Variants in TBC1D15 observed in about 807,000 individuals in gnomAD.
TBC1D15 encodes the protein TBC1 domain family member 15.
Under a neutral mutation model 95.4 loss-of-function variants are expected in TBC1D15, and 39 were observed. That is an observed-to-expected ratio of 0.41 (90% CI 0.32 to 0.53). The LOEUF (loss-of-function observed/expected upper bound fraction) is 0.53. TBC1D15 is among the 20% of genes least tolerant of loss of function. The pLI is 0.29. For missense variants in TBC1D15, 733 were observed against 794.3 expected, an observed-to-expected ratio of 0.92 and a Z score of 0.93; for synonymous variants, 258 against 261.3, an observed-to-expected ratio of 0.99 and a Z score of 0.12.
At chr12:71,853,505 T>C (rs925974923) in intron 1 of TBC1D15, among the ~76,000 whole-genome samples, 12 of 152,196 alleles carry the variant, frequency 7.9e-5, no homozygotes, top group Non-Finnish European at 1.5e-4. Flanking sequence ...AGACTTAAAA[T>C]AATACTTTAA....
At chr12:71,846,419 A>G (rs945934395) in intron 1 of TBC1D15, among the ~76,000 whole-genome samples, 2 of 152,228 alleles carry the variant, frequency 1.3e-5, no homozygotes, top group Non-Finnish European at 2.9e-5. Flanking sequence ...TAATTTTGCC[A>G]GGTACAGACA....
intron 1 of TBC1D15, among the ~76,000 whole-genome samples, chr12:71,870,839 G>A (rs147418458): frequency 1.1e-4 from 16 of 152,220 alleles, no homozygotes; most frequent in African/African-American, 2.4e-4. Flanking sequence ...TAAGTGTTCC[G>A]TAAATGTTAG....
chr12:71,889,416 T>A (rs1254249059), intron 5 of TBC1D15, among the ~76,000 whole-genome samples: 1 of 152,194 alleles, frequency 6.6e-6, no homozygotes, highest in African/African-American at 2.4e-5. Flanking sequence ...GGCCCCTCCA[T>A]ACTCTAGGCT....
At chr12:71,871,409 G>T (rs1338663958) in intron 1 of TBC1D15, among the ~76,000 whole-genome samples, 1 of 151,980 alleles carries the variant, frequency 6.6e-6, no homozygotes, top group African/African-American at 2.4e-5. Flanking sequence ...CTATGCCATG[G>T]TGTTTCAAAA....
intron 1 of TBC1D15, among the ~76,000 whole-genome samples, chr12:71,855,511 C>CA (rs1292263948): frequency 6.6e-6 from 1 of 150,452 alleles, no homozygotes; most frequent in Non-Finnish European, 1.5e-5. Context: ...ACTAAAAATA[C>CA]AAAAAAATTA....
Position 71,871,011 on chromosome 12 carries a change from A to G in TBC1D15, c.31-1059A>G, listed in dbSNP as rs186418602. 4.9e-4 allele frequency among the ~76,000 whole-genome samples: 74 copies of G among 152,312 alleles called. 1 individual carries two copies. The highest frequency in any genetic ancestry group is 9.1e-4 in the Non-Finnish European group (62 of 68,012). The stretch of plus-strand genomic sequence containing the variant: ...TATACACTATTGACCAGACTTATAT[A>G]TGTGAAAAGTTCTTAGGTCTAGAAG... On this transcript the variant is annotated intron_variant, in intron 1 of 16. Transcript: ENST00000485960.
intron 1 of TBC1D15, among the ~76,000 whole-genome samples, chr12:71,857,971 A>T (rs1889479562): frequency 6.6e-6 from 1 of 152,208 alleles, no homozygotes; most frequent in South Asian, 2.1e-4. Context: ...TATTTTACTT[A>T]ACATATATCC....
In TBC1D15 at chr12:71,913,813, C is replaced by CT; in HGVS notation, c.1301-9dup. The CT allele has an allele frequency of 6.5e-7, 1 of 1,549,818 alleles. No homozygotes were observed. The highest frequency in any genetic ancestry group is 8.7e-7 in the Non-Finnish European group (1 of 1,153,080). On this transcript the variant is annotated splice_polypyrimidine_tract_variant and intron_variant, in intron 11 of 16. Transcript: ENST00000485960. ...CTTGGGTTTTCAGAGATGATTTTTT[C>CT]TTTTCTTTTTAGGATATGTTCAAGG...
chr12:71,861,840 TA>T (rs757461019), intron 1 of TBC1D15, among the ~76,000 whole-genome samples: 2 of 152,138 alleles, frequency 1.3e-5, no homozygotes, highest in East Asian at 1.9e-4. Context: ...ACTTCCTTCT[TA>T]ATACTACTTT....
intron 14 of TBC1D15, 142 bp downstream of exon 14, chr12:71,918,690 C>T: frequency 3.8e-6 from 2 of 530,986 alleles, no homozygotes; most frequent in East Asian, 3.4e-5. Context: ...CTGGTAGCCT[C>T]TTCTTAAAAA....
At chr12:71,878,707 G>A (rs1205260978) in intron 3 of TBC1D15, among the ~76,000 whole-genome samples, 1 of 151,650 alleles carries the variant, frequency 6.6e-6, no homozygotes, top group Non-Finnish European at 1.5e-5. Flanking sequence ...GTAGAGACGG[G>A]GGTTTTGCCA....
chr12:71,863,831 T>C (rs144058797), intron 1 of TBC1D15, among the ~76,000 whole-genome samples: 63 of 152,274 alleles, frequency 4.1e-4, no homozygotes, highest in African/African-American at 1.1e-3. Flanking sequence ...TTTTATTTTA[T>C]CATTGAATTC....
chr12:71,908,828 CAG>C (rs1402469088), intron 11 of TBC1D15, among the ~76,000 whole-genome samples: 2 of 152,134 alleles, frequency 1.3e-5, no homozygotes, highest in East Asian at 3.9e-4. Flanking sequence ...TATTTTGATT[CAG>C]AGTGTGACTT....
At chr12:71,910,157 A>T (rs1901834201) in intron 11 of TBC1D15, among the ~76,000 whole-genome samples, 1 of 151,924 alleles carries the variant, frequency 6.6e-6, no homozygotes, top group African/African-American at 2.4e-5. Context: ...GGTTTGTCAA[A>T]GATCAGATAG....
At chr12:71,853,187 A>G (rs1357924302) in intron 1 of TBC1D15, among the ~76,000 whole-genome samples, 1 of 152,172 alleles carries the variant, frequency 6.6e-6, no homozygotes, top group Non-Finnish European at 1.5e-5. Flanking sequence ...GCGAGCCAAC[A>G]CTTCACATAG....
rs1870159620 is a variant in TBC1D15, at chr12:71,923,345, G to T, written c.*141G>T. The T allele has an allele frequency of 4.3e-6, 3 of 697,702 alleles. No homozygotes were observed. In the East Asian group the frequency reaches 8.1e-5, roughly 19 times the overall value. The allele number at this position is 697,702 out of a possible 1,614,324, so 43.2% of individuals were successfully genotyped here. On this transcript the variant is annotated 3_prime_UTR_variant, in exon 17 of 17. Coordinates refer to ENST00000485960, the MANE Select transcript of TBC1D15 (RefSeq NM_001146213.3). ...AGTGTACTGATGTTCTTACATTAAA[G>T]CTTTACAAAGATTTAAACTAATTAT...
chr12:71,889,784 C>T (rs1896894339), intron 5 of TBC1D15, among the ~76,000 whole-genome samples: 1 of 152,254 alleles, frequency 6.6e-6, no homozygotes, highest in African/African-American at 2.4e-5. Context: ...GATCCTCTCC[C>T]TCCTCCCACT....
At position 71,921,353 on chromosome 12, in the gene TBC1D15, G is replaced by T. The variant is rs1201334039; in HGVS notation, c.1717-15G>T. On this transcript the variant is annotated splice_polypyrimidine_tract_variant and intron_variant, in intron 15 of 16. Transcript: ENST00000485960. ...TTCAGTTTCGATATCATTTTATTTTGTTGATACTTTTTAGCATATCAATGA... is the reference window on the plus strand; with the variant it reads ...TTCAGTTTCGATATCATTTTATTTTTTTGATACTTTTTAGCATATCAATGA... The T allele has an allele frequency of 6.8e-7, 1 of 1,470,206 alleles. No individual in the cohort carries two copies. The highest frequency in any genetic ancestry group is 9.3e-7 in the Non-Finnish European group (1 of 1,079,286). The allele number at this position is 1,470,206 out of a possible 1,614,324, so 91.1% of individuals were successfully genotyped here.
chr12:71,903,881 T>C (rs907080428), intron 10 of TBC1D15, among the ~76,000 whole-genome samples: 1 of 152,062 alleles, frequency 6.6e-6, no homozygotes, highest in Non-Finnish European at 1.5e-5. Context: ...AGGGTGAGGA[T>C]TGAAAAACTA....
Sources: allele counts gnomAD v4.1 joint callset (sites outside exome capture counted in the v4.1 genomes callset), GRCh38; gene constraint gnomAD v4.1.1; transcripts MANE v1.5; gene names NCBI Gene and HGNC (gene_info 2026-07-23, HGNC 2026-07-21).